NRXN3: variants seen among roughly 807,000 people sequenced by gnomAD.
The protein encoded by NRXN3 is neurexin 3, also known as neurexin III.
In NRXN3, 32 loss-of-function variants were observed where a neutral mutation model predicts 137.6. The observed-to-expected ratio is 0.23, with a 90% CI of 0.18 to 0.31. The LOEUF (loss-of-function observed/expected upper bound fraction) is 0.31. Among genes scored for constraint, NRXN3 ranks in the 10% least tolerant of loss-of-function variants. NRXN3 has a pLI of 1.00. For missense variants in NRXN3, 1,574 were observed against 2,062.5 expected, an observed-to-expected ratio of 0.76 and a Z score of 4.59; for synonymous variants, 798 against 784.5, an observed-to-expected ratio of 1.02 and a Z score of -0.29.
intron 10 of NRXN3, among the ~76,000 whole-genome samples, chr14:78,851,721 A>G (rs2099043211): frequency 6.6e-6 from 1 of 152,216 alleles, no homozygotes; most frequent in South Asian, 2.1e-4. Flanking sequence ...GAAAGTGAGA[A>G]ATAAATGTTA....
chr14:78,642,729 A>G lies in NRXN3; in HGVS notation c.758-2391A>G, dbSNP rs141640957. ...GGTCTCCTGAGCAGGGCCTTGTCCA[A>G]TTGCATTTTAACAAAGACGATTCTT... is the stretch of plus-strand genomic sequence containing the variant. On this transcript the variant is annotated intron_variant, in intron 4 of 20. Transcript: ENST00000335750. Among the ~76,000 whole-genome samples, 110 of 152,304 alleles carry G rather than the reference A, an allele frequency of 7.2e-4. 1 individual carries two copies. The highest frequency in any genetic ancestry group is 2.6e-3 in the African/African-American group (106 of 41,560).
chr14:79,451,342 T>C (rs2096170002), intron 15 of NRXN3, among the ~76,000 whole-genome samples: 2 of 152,338 alleles, frequency 1.3e-5, no homozygotes, highest in South Asian at 4.1e-4. Context: ...AATAGTGGTA[T>C]GACCTTTGGC....
intron 4 of NRXN3, among the ~76,000 whole-genome samples, chr14:78,571,684 T>C (rs1463640377): frequency 2.0e-5 from 3 of 152,172 alleles, no homozygotes; most frequent in Non-Finnish European, 4.4e-5. Flanking sequence ...AAATCTCACA[T>C]GCTTTTACCT....
intron 10 of NRXN3, among the ~76,000 whole-genome samples, chr14:78,837,890 A>G (rs1234456759): frequency 1.3e-5 from 2 of 152,210 alleles, no homozygotes; most frequent in African/African-American, 4.8e-5. Context: ...ATTAGAGAGC[A>G]TATTTTCAAG....
At chr14:79,406,681 G>A (rs946273356) in intron 15 of NRXN3, among the ~76,000 whole-genome samples, 7 of 151,838 alleles carry the variant, frequency 4.6e-5, no homozygotes, top group Admixed American at 3.9e-4. Context: ...GTGTATTTTT[G>A]GTTATTCACT....
At chr14:79,167,742 T>A (rs1286940279) in intron 15 of NRXN3, among the ~76,000 whole-genome samples, 1 of 151,880 alleles carries the variant, frequency 6.6e-6, no homozygotes, top group Non-Finnish European at 1.5e-5. Context: ...CTCATGGGAT[T>A]TTCTTCACCT....
At chr14:79,677,033 A>G (rs1445657040) in intron 17 of NRXN3, among the ~76,000 whole-genome samples, 4 of 152,142 alleles carry the variant, frequency 2.6e-5, no homozygotes, top group Non-Finnish European at 4.4e-5. Context: ...CAACAAAAAT[A>G]TAAGTTGTTA....
Position 78,243,869 on chromosome 14 carries a change from C to A in NRXN3, c.709+67C>A. 8.4e-7 allele frequency: 1 copy of A among 1,194,552 alleles called. No homozygotes were observed. Among genetic ancestry groups the A allele is most frequent in the African/African-American group, 1.5e-5 (1 of 65,978 alleles). The allele number at this position is 1,194,552 out of a possible 1,614,324, so 74.0% of individuals were successfully genotyped here. On this transcript the variant is annotated intron_variant, in intron 2 of 20. Transcript: ENST00000335750. This position sits in a 1 kb window ranked among gnomAD's most constrained non-coding sequence, Gnocchi z 4.2. The stretch of plus-strand genomic sequence containing the variant: ...ATGGCTGAGGCTGGGGCTCCTGATA[C>A]AAACCAGTTCTATATGGATGCATAT...
At chr14:79,093,530 C>T (rs2152813798) in intron 15 of NRXN3, among the ~76,000 whole-genome samples, 1 of 152,250 alleles carries the variant, frequency 6.6e-6, no homozygotes, top group Non-Finnish European at 1.5e-5. Flanking sequence ...ATGTTGATGG[C>T]TTTAACTAAG....
At chr14:78,725,303 T>C (rs148093213) in intron 8 of NRXN3, among the ~76,000 whole-genome samples, 1 of 152,378 alleles carries the variant, frequency 6.6e-6, no homozygotes, top group African/African-American at 2.4e-5. Context: ...GCACATTGTT[T>C]ATCTCCATCA....
intron 15 of NRXN3, among the ~76,000 whole-genome samples, chr14:79,063,623 G>A (rs1181682113): frequency 6.6e-6 from 1 of 152,100 alleles, no homozygotes; most frequent in East Asian, 1.9e-4. Flanking sequence ...TATTGGAAAG[G>A]TATTTCACCA....
intron 15 of NRXN3, among the ~76,000 whole-genome samples, chr14:79,191,181 A>G (rs1420964300): frequency 6.6e-6 from 1 of 152,240 alleles, no homozygotes; most frequent in Non-Finnish European, 1.5e-5. Flanking sequence ...GTAATGAACT[A>G]TAGACAAGTC....
At chr14:79,729,392 A>G (rs2098913062) in intron 19 of NRXN3, among the ~76,000 whole-genome samples, 1 of 152,202 alleles carries the variant, frequency 6.6e-6, no homozygotes, top group South Asian at 2.1e-4. Flanking sequence ...TTAAGGCCAC[A>G]CCTGTCTGCA....
chr14:78,672,736 T>C (rs1200862291), intron 6 of NRXN3, among the ~76,000 whole-genome samples: 2 of 152,156 alleles, frequency 1.3e-5, no homozygotes, highest in African/African-American at 4.8e-5. Context: ...TGGCTTAACA[T>C]AGACAAACAA....
chr14:79,272,327 A>C (rs1251832003), intron 15 of NRXN3, among the ~76,000 whole-genome samples: 1 of 151,706 alleles, frequency 6.6e-6, no homozygotes, highest in African/African-American at 2.4e-5. Context: ...AGTATGTATA[A>C]ATTTAGTGTT....
At chr14:78,429,159 C>T (rs1402389692) in intron 4 of NRXN3, among the ~76,000 whole-genome samples, 2 of 151,966 alleles carry the variant, frequency 1.3e-5, no homozygotes, top group African/African-American at 4.8e-5. Flanking sequence ...CACTGCAACC[C>T]TCCACCTCTT....
intron 1 of NRXN3, among the ~76,000 whole-genome samples, chr14:78,221,111 A>G (rs950453290): frequency 6.6e-6 from 1 of 152,134 alleles, no homozygotes; most frequent in Non-Finnish European, 1.5e-5. Context: ...ATTCCTCAAG[A>G]TAGAGAACTG....
At chr14:78,541,757 C>T (rs11852078) in intron 4 of NRXN3, among the ~76,000 whole-genome samples, 36,124 of 152,076 alleles carry the variant, frequency 0.24, 4,498 homozygotes, top group Middle Eastern at 0.32. Context: ...GTGCTTTCAT[C>T]CCACCTTTGG....
At chr14:79,343,926 A>C (rs2092739813) in intron 15 of NRXN3, among the ~76,000 whole-genome samples, 1 of 152,120 alleles carries the variant, frequency 6.6e-6, no homozygotes, top group Non-Finnish European at 1.5e-5. Flanking sequence ...GGTGTGAGCC[A>C]CCATGCCCTG....
Sources: gnomAD v4.1 joint callset for allele counts (sites outside exome capture counted in the v4.1 genomes callset) on GRCh38, gnomAD v4.1.1 for gene constraint, Gnocchi (gnomAD v3.1) non-coding constraint, MANE v1.5 for transcripts, NCBI Gene and HGNC (gene_info 2026-07-23, HGNC 2026-07-21) for gene names.